The following COL26A1 variants were observed in gnomAD, a reference collection of about 807,000 sequenced individuals.
COL26A1 encodes the protein collagen type XXVI alpha 1 chain, also known as collagen alpha-1(XXVI) chain.
In COL26A1, 41 loss-of-function variants were observed where a neutral mutation model predicts 59.3. The observed-to-expected ratio is 0.69, with a 90% CI of 0.54 to 0.90. The LOEUF (loss-of-function observed/expected upper bound fraction) is 0.90, where lower values mean the gene tolerates loss of function less well. COL26A1 is among the 40% of genes least tolerant of loss of function. The pLI is 0.00. For synonymous variants in COL26A1, 266 were observed against 256.0 expected (o/e 1.04, Z -0.37); for missense variants, 612 against 602.3 (o/e 1.02, Z -0.17).
At chr7:101,425,885 G>A (rs1792635505) in intron 2 of COL26A1, among the ~76,000 whole-genome samples, 2 of 149,996 alleles carry the variant, frequency 1.3e-5, no homozygotes, top group Non-Finnish European at 1.5e-5. Context: ...GGAGTGCGGT[G>A]GCGTGATCTC....
intron 3 of COL26A1, among the ~76,000 whole-genome samples, chr7:101,491,830 C>G (rs1178284113): frequency 6.6e-6 from 1 of 152,188 alleles, no homozygotes; most frequent in Non-Finnish European, 1.5e-5. Context: ...CTATCTCATC[C>G]TGTGACTTAG....
At chr7:101,394,872 T>TC (rs1191453055) in intron 1 of COL26A1, among the ~76,000 whole-genome samples, 18 of 136,482 alleles carry the variant, frequency 1.3e-4, no homozygotes, top group African/African-American at 4.5e-4. Flanking sequence ...TTCTTTTCTT[T>TC]TTTTTTTTTT....
chr7:101,544,243 T>A lies in COL26A1; in HGVS notation c.703+147T>A. ...AAACGGGGTCTTTTTTTTTTAATTT[T>A]TTGAGAGGGAGTCTCGCTCTGTTGT... On this transcript the variant is annotated intron_variant, in intron 6 of 12. Coordinates refer to ENST00000313669, the MANE Select transcript of COL26A1 (RefSeq NM_001278563.3). The A allele has an allele frequency of 2.1e-5, 13 of 611,822 alleles. 1 individual carries two copies. In the South Asian group the frequency reaches 3.0e-4, roughly 14 times the overall value. The allele number at this position is 611,822 out of a possible 1,614,324, so 37.9% of individuals were successfully genotyped here.
chr7:101,474,423 C>A (rs1408313230), intron 3 of COL26A1, among the ~76,000 whole-genome samples: 1 of 112,746 alleles, frequency 8.9e-6, no homozygotes, highest in Non-Finnish European at 1.8e-5. Context: ...ATAGCAAGAC[C>A]CCATCTCTAA....
Position 101,544,048 on chromosome 7 carries a change from A to G in COL26A1, c.655A>G (p.Lys219Glu), listed in dbSNP as rs745920589. The G allele has an allele frequency of 1.9e-6, 3 of 1,604,008 alleles. No homozygotes were observed. Among genetic ancestry groups the G allele is most frequent in the Admixed American group, 1.7e-5 (1 of 58,718 alleles). ...AGGGCCTGCAGGCCCCCCCGGGTCT[A>G]AAGGTGACCGAGGCCAGACAGGAGA... The part of the protein sequence containing the change: ...PPGPAGPPGS[K>E]GDRGQTGEKG... The change falls in exon 6 of 13, where the codon AAA becomes GAA. Residue 219 changes from lysine to glutamate, a missense_variant. Transcript: ENST00000313669.
chr7:101,385,797 C>T (rs1791559905), intron 1 of COL26A1, among the ~76,000 whole-genome samples: 1 of 151,274 alleles, frequency 6.6e-6, no homozygotes, highest in East Asian at 2.0e-4. Context: ...CTCTGCCTCC[C>T]AGGTTCACGC....
intron 2 of COL26A1, among the ~76,000 whole-genome samples, chr7:101,445,605 G>C (rs1010567918): frequency 6.6e-6 from 1 of 150,412 alleles, no homozygotes; most frequent in Non-Finnish European, 1.5e-5. Context: ...GGTGGCGGGC[G>C]CCTGTAGTCC....
At chr7:101,378,879 G>A (rs1037274268) in intron 1 of COL26A1, among the ~76,000 whole-genome samples, 4 of 151,878 alleles carry the variant, frequency 2.6e-5, no homozygotes, top group African/African-American at 4.8e-5. Flanking sequence ...TCTTTTCCCC[G>A]GGGAGTTGTC....
chr7:101,431,916 C>T (rs1356281048), intron 2 of COL26A1, among the ~76,000 whole-genome samples: 1 of 151,700 alleles, frequency 6.6e-6, no homozygotes, highest in Admixed American at 6.6e-5. Flanking sequence ...CTCAGCCTCC[C>T]GAGTAGCTGA....
intron 3 of COL26A1, among the ~76,000 whole-genome samples, chr7:101,513,045 C>T (rs9769150): frequency 0.2 from 30,126 of 151,748 alleles, 3,693 homozygotes; most frequent in African/African-American, 0.35. Context: ...CTCGCTCTGT[C>T]GCCCAGACTA....
At chr7:101,480,274 T>G (rs560336683) in intron 3 of COL26A1, among the ~76,000 whole-genome samples, 1 of 152,324 alleles carries the variant, frequency 6.6e-6, no homozygotes, top group East Asian at 1.9e-4. Flanking sequence ...TTCTCTTCAG[T>G]GTGTCCAATA....
intron 1 of COL26A1, among the ~76,000 whole-genome samples, chr7:101,414,432 T>TTGTGTGTGTGTGTGTG (rs34282686): frequency 1.4e-3 from 206 of 146,266 alleles, no homozygotes; most frequent in African/African-American, 4.9e-3. Flanking sequence ...CACTCTGTGT[T>TTGTGTGTGTGTGTGTG]TGTGTGTGTG....
chr7:101,404,464 A>T (rs1184789240), intron 1 of COL26A1, among the ~76,000 whole-genome samples: 2 of 152,148 alleles, frequency 1.3e-5, no homozygotes, highest in Non-Finnish European at 2.9e-5. Flanking sequence ...GGCAAATCTC[A>T]ATGCCACAAC....
intron 1 of COL26A1, among the ~76,000 whole-genome samples, chr7:101,387,768 A>ATTTTTTTTTT (rs1194001209): frequency 1.6e-4 from 6 of 36,482 alleles, no homozygotes; most frequent in African/African-American, 2.2e-4. Flanking sequence ...ATATATATAT[A>ATTTTTTTTTT]TATATATATA....
chr7:101,515,043 A>G (rs1197024179), intron 3 of COL26A1, among the ~76,000 whole-genome samples: 1 of 152,184 alleles, frequency 6.6e-6, no homozygotes, highest in Non-Finnish European at 1.5e-5. Flanking sequence ...GGCTCCCAGA[A>G]GCCTGGGATA....
chr7:101,474,717 A>G (rs1793992038), intron 3 of COL26A1, among the ~76,000 whole-genome samples: 1 of 152,254 alleles, frequency 6.6e-6, no homozygotes, highest in Non-Finnish European at 1.5e-5. Flanking sequence ...CTAAGTCCAT[A>G]GTTAATACCC....
intron 3 of COL26A1, among the ~76,000 whole-genome samples, chr7:101,456,700 C>A (rs1017958732): frequency 6.6e-6 from 1 of 152,002 alleles, no homozygotes; most frequent in African/African-American, 2.4e-5. Flanking sequence ...GACTTGTTTA[C>A]AAAACAAGTC....
intron 3 of COL26A1, among the ~76,000 whole-genome samples, chr7:101,489,601 TTTTC>T (rs1177502295): frequency 0.037 from 3,889 of 105,138 alleles, 324 homozygotes; most frequent in East Asian, 0.12. Flanking sequence ...TTTTCTTTCT[TTTTC>T]TTTCTTTCTT....
chr7:101,362,390 T>C (rs1790910997), upstream of COL26A1, among the ~76,000 whole-genome samples: 1 of 152,122 alleles, frequency 6.6e-6, no homozygotes, highest in Non-Finnish European at 1.5e-5. Context: ...AGGTGGGGGC[T>C]GGAGGTTAAA....
Sources: allele counts gnomAD v4.1 joint callset (sites outside exome capture counted in the v4.1 genomes callset), GRCh38; gene constraint gnomAD v4.1.1; transcripts MANE v1.5; gene names NCBI Gene and HGNC (gene_info 2026-07-23, HGNC 2026-07-21).